PPP3CB: variants seen among roughly 807,000 people sequenced by gnomAD.
PPP3CB encodes the protein protein phosphatase 3 catalytic subunit beta, also known as serine/threonine-protein phosphatase 2B catalytic subunit beta isoform.
A neutral mutation model predicts 66.4 loss-of-function variants in PPP3CB; 8 were observed. That is an observed-to-expected ratio of 0.12 (90% CI 0.07 to 0.22). PPP3CB has a LOEUF of 0.22. PPP3CB is among the 10% of genes least tolerant of loss of function. The pLI is 1.00. For missense variants in PPP3CB, 319 were observed against 642.5 expected, an observed-to-expected ratio of 0.50 and a Z score of 5.44; for synonymous variants, 208 against 221.2, an observed-to-expected ratio of 0.94 and a Z score of 0.53.
chr10:73,467,712 G>T, intron 8 of PPP3CB, 34 bp from the exon 9 acceptor site: 3 of 1,481,458 alleles, frequency 2.0e-6, no homozygotes, highest in Non-Finnish European at 9.1e-7. Flanking sequence ...TAACTTAATA[G>T]ATAAGTAACT....
At chr10:73,458,647 A>G (rs2056469711) in intron 9 of PPP3CB, among the ~76,000 whole-genome samples, 2 of 150,996 alleles carry the variant, frequency 1.3e-5, no homozygotes, top group African/African-American at 2.4e-5. Context: ...TAAAATATAC[A>G]TGTATTTTCT....
chr10:73,470,910 T>C lies in PPP3CB; in HGVS notation c.864A>G (p.Arg288=), dbSNP rs1188390359. ...LQNNNLLSII[R]AHEAQDAGYR... ...ACCCTGCATCTTGAGCTTCATGAGC[T>C]CTAATAATCGATAACAAATTATTGT... Residue 288 remains arginine, a synonymous_variant, in exon 7 of 14, where the codon AGA becomes AGG. Coordinates refer to ENST00000360663, the MANE Select transcript of PPP3CB (RefSeq NM_021132.4). The C allele has an allele frequency of 1.2e-6, 2 of 1,613,504 alleles. No homozygotes were observed. The highest frequency in any genetic ancestry group is 1.7e-5 in the Admixed American group (1 of 59,998).
intron 9 of PPP3CB, among the ~76,000 whole-genome samples, chr10:73,464,088 C>G (rs1449242817): frequency 6.6e-6 from 1 of 152,058 alleles, no homozygotes; most frequent in Admixed American, 6.5e-5. Flanking sequence ...CGCCACCACA[C>G]CCAGCTAATT....
chr10:73,441,962 A>C (rs1476019514), intron 12 of PPP3CB, among the ~76,000 whole-genome samples: 2 of 152,190 alleles, frequency 1.3e-5, no homozygotes, highest in Admixed American at 1.3e-4. Context: ...CTTTTGCAAT[A>C]CCTAACTCTC....
At chr10:73,487,791 T>A (rs1451040444) in intron 1 of PPP3CB, among the ~76,000 whole-genome samples, 1 of 151,554 alleles carries the variant, frequency 6.6e-6, no homozygotes, top group East Asian at 1.9e-4. Flanking sequence ...TTTTTGTTTT[T>A]TTTTTTTCCA....
intron 5 of PPP3CB, 76 bp downstream of exon 5, chr10:73,471,392 G>A: frequency 6.9e-7 from 1 of 1,459,352 alleles, no homozygotes; most frequent in Non-Finnish European, 9.3e-7. Context: ...GCAGTGAAGT[G>A]AAGTTTGAAA....
intron 8 of PPP3CB, among the ~76,000 whole-genome samples, chr10:73,469,648 A>G (rs1800887722): frequency 6.6e-6 from 1 of 152,208 alleles, no homozygotes; most frequent in African/African-American, 2.4e-5. Context: ...TTCTGTACCC[A>G]AGTTATCCAG....
At chr10:73,481,634 A>ACAAAAAAAAAAAC (rs1272551803) in intron 1 of PPP3CB, among the ~76,000 whole-genome samples, 1 of 151,180 alleles carries the variant, frequency 6.6e-6, no homozygotes, top group African/African-American at 2.4e-5. Context: ...CTAAAAAAAA[A>ACAAAAAAAAAAAC]CAAAAAAAAA....
intron 12 of PPP3CB, 138 bp from the exon 13 acceptor site, chr10:73,440,039 AG>A: frequency 1.1e-6 from 1 of 900,832 alleles, no homozygotes; most frequent in Non-Finnish European, 1.7e-6. Context: ...TAACATAAAT[AG>A]TACCCAAATT....
chr10:73,462,018 G>A (rs112964152), intron 9 of PPP3CB, among the ~76,000 whole-genome samples: 6,829 of 152,044 alleles, frequency 0.045, 468 homozygotes, highest in African/African-American at 0.15. Context: ...CTCACCACGT[G>A]AAGTGCCTGC....
At chr10:73,484,118 G>T (rs2056930130) in intron 1 of PPP3CB, among the ~76,000 whole-genome samples, 1 of 151,672 alleles carries the variant, frequency 6.6e-6, no homozygotes, top group Admixed American at 6.6e-5. Flanking sequence ...ACTCTAGCCT[G>T]GGCAATAGAG....
chr10:73,477,412 T>C (rs2056808553), intron 3 of PPP3CB, among the ~76,000 whole-genome samples: 1 of 152,186 alleles, frequency 6.6e-6, no homozygotes, highest in African/African-American at 2.4e-5. Context: ...TAATTAATTA[T>C]GGTTTGTTTA....
At chr10:73,472,582 T>A (rs2056721217) in intron 4 of PPP3CB, among the ~76,000 whole-genome samples, 1 of 152,160 alleles carries the variant, frequency 6.6e-6, no homozygotes, top group Admixed American at 6.5e-5. Context: ...AGAACTGTAC[T>A]TGAGGTTAAA....
At chr10:73,449,051 T>C (rs1408330138) in intron 10 of PPP3CB, among the ~76,000 whole-genome samples, 1 of 152,248 alleles carries the variant, frequency 6.6e-6, no homozygotes, top group Non-Finnish European at 1.5e-5. Context: ...TGCACATTTA[T>C]AGTCATACCC....
chr10:73,449,840 G>C (rs2056316730), intron 10 of PPP3CB, among the ~76,000 whole-genome samples: 1 of 151,714 alleles, frequency 6.6e-6, no homozygotes, highest in Non-Finnish European at 1.5e-5. Flanking sequence ...CTGTCAACCA[G>C]GCTGGAGTGC....
At position 73,437,315 on chromosome 10, in the gene PPP3CB, A is replaced by G. The variant is rs1400928301; in HGVS notation, c.*927T>C. On this transcript the variant is annotated 3_prime_UTR_variant, in exon 14 of 14. Coordinates refer to ENST00000360663, the MANE Select transcript of PPP3CB (RefSeq NM_021132.4). ...TCTCTAAGCAACTTGAGTACTCACA[A>G]TAAACTAAAATTTCTCATAACATCT... 1 of 152,690 alleles carries G rather than the reference A, an allele frequency of 6.5e-6. No homozygotes were observed. Among genetic ancestry groups the G allele is most frequent in the Non-Finnish European group, 1.5e-5 (1 of 68,046 alleles). 9.5% of individuals were successfully genotyped at this position (152,690 alleles called of 1,614,324 possible). A position where few individuals can be genotyped will look rare whatever the true frequency, so the allele number is the denominator to read the frequency against.
chr10:73,494,702 CAT>C (rs925804620), intron 1 of PPP3CB, among the ~76,000 whole-genome samples: 6 of 148,702 alleles, frequency 4.0e-5, no homozygotes, highest in African/African-American at 9.9e-5. Flanking sequence ...TTAATGGAAA[CAT>C]ATGAGTCAGA....
Position 73,437,479 on chromosome 10 carries a change from T to G in PPP3CB, c.*763A>C, listed in dbSNP as rs1172919820. On this transcript the variant is annotated 3_prime_UTR_variant, in exon 14 of 14. Transcript: ENST00000360663. ...AAATTTACTTTGACAATGTACAAACTTCTTTTAAAGTACCTTAAATGAGTA... is the reference window on the plus strand; with the variant it reads ...AAATTTACTTTGACAATGTACAAACGTCTTTTAAAGTACCTTAAATGAGTA... 6.5e-6 allele frequency: 1 copy of G among 152,684 alleles called. No individual in the cohort carries two copies. Among genetic ancestry groups the G allele is most frequent in the Non-Finnish European group, 1.5e-5 (1 of 68,052 alleles). 9.5% of individuals were successfully genotyped at this position (152,684 alleles called of 1,614,324 possible).
Position 73,470,634 on chromosome 10 carries a change from G to A in PPP3CB, c.982+53C>T. ...CCCCTTTTTTATTATATTAAAAAAA[G>A]TCAATTAAAATACTAAGTTGTTTAA... is the stretch of plus-strand genomic sequence containing the variant. On this transcript the variant is annotated intron_variant, in intron 8 of 13. Transcript: ENST00000360663. 4 of 1,150,230 alleles carry A rather than the reference G, an allele frequency of 3.5e-6. No individual in the cohort carries two copies. The East Asian group carries it at 7.8e-5, about 22-fold the overall frequency. 71.3% of individuals were successfully genotyped at this position (1,150,230 alleles called of 1,614,324 possible). A position where few individuals can be genotyped will look rare whatever the true frequency, so the allele number is the denominator to read the frequency against.
Sources: gnomAD v4.1 joint callset for allele counts (sites outside exome capture counted in the v4.1 genomes callset) on GRCh38, gnomAD v4.1.1 for gene constraint, MANE v1.5 for transcripts, NCBI Gene and HGNC (gene_info 2026-07-23, HGNC 2026-07-21) for gene names.